FSTL1: variants seen among roughly 807,000 people sequenced by gnomAD.
FSTL1 encodes follistatin like 1.
Under a neutral mutation model 45.9 loss-of-function variants are expected in FSTL1, and 24 were observed. The ratio of observed to expected loss-of-function variants is 0.52; its 90% confidence interval spans 0.38 to 0.74. The LOEUF is 0.74. FSTL1 is among the 30% of genes least tolerant of loss of function. FSTL1 has a pLI of 0.00. For synonymous variants in FSTL1, 120 were observed against 137.6 expected, an observed-to-expected ratio of 0.87 and a Z score of 0.89; for missense variants, 340 against 381.8, an observed-to-expected ratio of 0.89 and a Z score of 0.91.
At chr3:120,425,310 G>C (rs1937357422) in intron 2 of FSTL1, among the ~76,000 whole-genome samples, 1 of 151,494 alleles carries the variant, frequency 6.6e-6, no homozygotes, top group African/African-American at 2.4e-5. Flanking sequence ...CCCAGAAATG[G>C]ATGATGAATG....
chr3:120,406,094 C>T (rs1304945409), intron 6 of FSTL1, among the ~76,000 whole-genome samples: 1 of 152,032 alleles, frequency 6.6e-6, no homozygotes, highest in Admixed American at 6.6e-5. Context: ...ACAGGTGTTC[C>T]ACTCTAATGT....
At position 120,416,039 on chromosome 3, in the gene FSTL1, A is replaced by C. The variant is rs1244724301; in HGVS notation, c.64-12T>G. 6.4e-7 allele frequency: 1 copy of C among 1,558,254 alleles called. No homozygotes were observed. Among genetic ancestry groups the C allele is most frequent in the Middle Eastern group, 1.7e-4 (1 of 5,962 alleles). On this transcript the variant is annotated splice_polypyrimidine_tract_variant and intron_variant, in intron 2 of 10. Transcript: ENST00000295633. ...CTCCTTAGCTCTTCCTAAAACATAC[A>C]ATCATAAAGGAAACCGTGTGACTGA...
intron 4 of FSTL1, 90 bp downstream of exon 4, chr3:120,411,764 G>A: frequency 8.5e-7 from 1 of 1,170,526 alleles, no homozygotes; most frequent in Non-Finnish European, 1.2e-6. Flanking sequence ...GGTCGTGGAG[G>A]AAAGACCATG....
At chr3:120,412,005 ATGTT>A (rs749258496) in intron 3 of FSTL1, 22 bp from the exon 4 acceptor site, 46 of 1,601,188 alleles carry the variant, frequency 2.9e-5, no homozygotes, top group Non-Finnish European at 3.4e-5. Flanking sequence ...CCAAAAGAGA[ATGTT>A]TGTGCAGTTA....
chr3:120,427,054 G>A (rs1004570112), intron 2 of FSTL1, among the ~76,000 whole-genome samples: 1 of 152,196 alleles, frequency 6.6e-6, no homozygotes, highest in South Asian at 2.1e-4. Context: ...TCAGCATGAT[G>A]AGGAATTGTC....
intron 8 of FSTL1, 56 bp downstream of exon 8, chr3:120,403,186 G>A: frequency 3.2e-6 from 3 of 950,092 alleles, no homozygotes; most frequent in Non-Finnish European, 5.2e-6. Context: ...CTCTATCTTG[G>A]CTCCTACAAA....
At chr3:120,421,694 G>A (rs956248861) in intron 2 of FSTL1, 3 of 152,372 alleles carry the variant, frequency 2.0e-5, no homozygotes, top group Admixed American at 6.5e-5. Flanking sequence ...GACAGAGGAG[G>A]AGGGACTGGT....
intron 2 of FSTL1, among the ~76,000 whole-genome samples, chr3:120,435,676 GGAGTCA>G (rs1172556215): frequency 6.6e-6 from 1 of 152,186 alleles, no homozygotes; most frequent in Non-Finnish European, 1.5e-5. Flanking sequence ...ACTTTTTCCT[GGAGTCA>G]GAGTCAAACA....
intron 2 of FSTL1, among the ~76,000 whole-genome samples, chr3:120,439,128 G>T (rs1211744993): frequency 6.6e-6 from 1 of 152,180 alleles, no homozygotes; most frequent in Non-Finnish European, 1.5e-5. Flanking sequence ...GGCGTGCAGG[G>T]AGGAGGCGAG....
At chr3:120,409,500 C>T (rs375964683) in intron 6 of FSTL1, 32 bp downstream of exon 6, 11 of 1,603,734 alleles carry the variant, frequency 6.9e-6, no homozygotes, top group Non-Finnish European at 9.4e-6. Flanking sequence ...TTTCTATGGG[C>T]CTGAATAGTC....
chr3:120,423,823 G>A (rs1338822316), intron 2 of FSTL1: 2 of 152,176 alleles, frequency 1.3e-5, no homozygotes, highest in Admixed American at 6.5e-5. Flanking sequence ...GTTTTTGTAA[G>A]GCTGCCACTA....
At chr3:120,412,818 G>A (rs1014579755) in intron 3 of FSTL1, among the ~76,000 whole-genome samples, 23 of 48,970 alleles carry the variant, frequency 4.7e-4, no homozygotes, top group African/African-American at 6.9e-4. Context: ...ACACACACAT[G>A]TGCGCGCGCG....
At chr3:120,450,114 C>T (rs377466681) in intron 2 of FSTL1, among the ~76,000 whole-genome samples, 1 of 152,094 alleles carries the variant, frequency 6.6e-6, no homozygotes, top group Non-Finnish European at 1.5e-5. Context: ...TACACTTGCG[C>T]AACGTTACAG....
intron 2 of FSTL1, among the ~76,000 whole-genome samples, chr3:120,434,798 G>A (rs1937524136): frequency 6.6e-6 from 1 of 152,158 alleles, no homozygotes; most frequent in Admixed American, 6.5e-5. Flanking sequence ...ACTATTTATT[G>A]AGTACTTACC....
intron 3 of FSTL1, among the ~76,000 whole-genome samples, chr3:120,412,823 C>CGT (rs1559736977): frequency 1.2e-4 from 6 of 48,826 alleles, no homozygotes; most frequent in South Asian, 1.4e-3. Flanking sequence ...CACATGTGCG[C>CGT]GCGCGCGCGC....
At chr3:120,429,442 G>T (rs1351675612) in intron 2 of FSTL1, among the ~76,000 whole-genome samples, 1 of 152,208 alleles carries the variant, frequency 6.6e-6, no homozygotes, top group East Asian at 1.9e-4. Context: ...GACACACTTG[G>T]ACAACAGGCC....
At chr3:120,428,154 G>C (rs925008451) in intron 2 of FSTL1, among the ~76,000 whole-genome samples, 1 of 152,092 alleles carries the variant, frequency 6.6e-6, no homozygotes, top group African/African-American at 2.4e-5. Flanking sequence ...AAATATTCTG[G>C]GGATCTCTAA....
rs1202753169 is a variant in FSTL1, at chr3:120,396,245, A to G, written c.*707T>C. On this transcript the variant is annotated 3_prime_UTR_variant, in exon 11 of 11. Coordinates refer to ENST00000295633, the MANE Select transcript of FSTL1 (RefSeq NM_007085.5). The stretch of plus-strand genomic sequence containing the variant: ...TAAAATATTAAAAAACAATAATATA[A>G]TGATAATAATTGAAGAATAAAGTCA... 1.3e-5 allele frequency: 2 copies of G among 152,302 alleles called. No homozygotes were observed. Among genetic ancestry groups the G allele is most frequent in the Admixed American group, 6.6e-5 (1 of 15,226 alleles). 9.4% of individuals were successfully genotyped at this position (152,302 alleles called of 1,614,324 possible). A position where few individuals can be genotyped will look rare whatever the true frequency, so the allele number is the denominator to read the frequency against.
chr3:120,440,188 G>A (rs994843810), intron 2 of FSTL1, among the ~76,000 whole-genome samples: 1 of 152,208 alleles, frequency 6.6e-6, no homozygotes, highest in Non-Finnish European at 1.5e-5. Context: ...GGCTGCAAAT[G>A]CTCCACTGTA....
Sources: gnomAD v4.1 joint callset for allele counts (sites outside exome capture counted in the v4.1 genomes callset) on GRCh38, gnomAD v4.1.1 for gene constraint, MANE v1.5 for transcripts, NCBI Gene and HGNC (gene_info 2026-07-23, HGNC 2026-07-21) for gene names.